VAV2: variants seen among roughly 807,000 people sequenced by gnomAD.
VAV2 encodes the protein guanine nucleotide exchange factor VAV2.
VAV2 carries 67 observed loss-of-function variants against 132.5 expected under a neutral mutation model. The observed-to-expected ratio is 0.51, with a 90% confidence interval of 0.42 to 0.62. The LOEUF is 0.62. Among genes scored for constraint, VAV2 ranks in the 20% least tolerant of loss-of-function variants. VAV2 has a pLI of 0.00. For missense variants in VAV2, 938 were observed against 1,153.6 expected (o/e 0.81, Z 2.71); for synonymous variants, 492 against 443.5 (o/e 1.11, Z -1.37).
At chr9:133,783,426 C>T in intron 19 of VAV2, 77 bp downstream of exon 19, 1 of 1,446,304 alleles carries the variant, frequency 6.9e-7, no homozygotes, top group Admixed American at 1.7e-5. Flanking sequence ...TGCCCGAGGC[C>T]CGTACCCAGG....
At chr9:133,943,914 C>T (rs528382819) in intron 1 of VAV2, among the ~76,000 whole-genome samples, 85 of 152,360 alleles carry the variant, frequency 5.6e-4, no homozygotes, top group South Asian at 1.7e-3. Flanking sequence ...CATGCCCAGT[C>T]GCCCACCTCC....
At chr9:133,899,043 G>C (rs540283552) in intron 2 of VAV2, among the ~76,000 whole-genome samples, 1 of 151,766 alleles carries the variant, frequency 6.6e-6, no homozygotes, top group Admixed American at 6.6e-5. Flanking sequence ...GGATGGTCTC[G>C]ATCTCCTGAC....
intron 2 of VAV2, among the ~76,000 whole-genome samples, chr9:133,887,898 G>A (rs1838777822): frequency 1.3e-5 from 2 of 152,064 alleles, no homozygotes; most frequent in Admixed American, 6.5e-5. Flanking sequence ...GAAAGACGAG[G>A]CGCATTCACA....
chr9:133,900,020 C>CAAAA (rs754344670), intron 2 of VAV2, among the ~76,000 whole-genome samples: 2 of 120,226 alleles, frequency 1.7e-5, no homozygotes, highest in South Asian at 2.8e-4. Context: ...GACTCCATCT[C>CAAAA]AAAAAAAATA....
intron 3 of VAV2, 54 bp downstream of exon 3, chr9:133,861,320 G>C: frequency 6.4e-7 from 1 of 1,562,386 alleles, no homozygotes; most frequent in Non-Finnish European, 8.7e-7. Context: ...AGGCACGCTG[G>C]TGTCGATGGA....
chr9:133,817,080 C>T (rs950372159), intron 4 of VAV2, among the ~76,000 whole-genome samples: 1 of 152,182 alleles, frequency 6.6e-6, no homozygotes, highest in African/African-American at 2.4e-5. Flanking sequence ...TTGGGGAGAA[C>T]TGCCATCTTA....
At chr9:133,963,641 T>C (rs755985250) in intron 1 of VAV2, among the ~76,000 whole-genome samples, 20 of 152,200 alleles carry the variant, frequency 1.3e-4, no homozygotes, top group Non-Finnish European at 2.4e-4. Flanking sequence ...CAGAAAGCCA[T>C]TGAAACAAGA....
chr9:133,817,139 C>T (rs1013620953), intron 4 of VAV2, among the ~76,000 whole-genome samples: 9 of 152,192 alleles, frequency 5.9e-5, no homozygotes, highest in Non-Finnish European at 1.0e-4. Context: ...TTATTTAAGT[C>T]TTCCTTAATT....
intron 2 of VAV2, among the ~76,000 whole-genome samples, chr9:133,916,549 T>G: frequency 6.6e-6 from 1 of 150,876 alleles, no homozygotes; most frequent in African/African-American, 2.4e-5. Flanking sequence ...TGGGGCTGGG[T>G]GAGTGGGGGT....
At chr9:133,894,776 G>A (rs1415984115) in intron 2 of VAV2, among the ~76,000 whole-genome samples, 1 of 152,198 alleles carries the variant, frequency 6.6e-6, no homozygotes, top group Non-Finnish European at 1.5e-5. Context: ...GACCCCCAGA[G>A]AAAGAAGTCC....
chr9:133,990,992 G>A (rs1430713469), intron 1 of VAV2, among the ~76,000 whole-genome samples: 1 of 152,170 alleles, frequency 6.6e-6, no homozygotes, highest in African/African-American at 2.4e-5. Flanking sequence ...CACCGCCAAA[G>A]GGCAGAGGCC....
chr9:133,869,465 C>T (rs944236548), intron 2 of VAV2, among the ~76,000 whole-genome samples: 2 of 151,918 alleles, frequency 1.3e-5, no homozygotes, highest in Non-Finnish European at 2.9e-5. Flanking sequence ...AAAAAAATAA[C>T]CAGATGTGGT....
intron 2 of VAV2, among the ~76,000 whole-genome samples, chr9:133,882,608 G>C (rs573618369): frequency 6.6e-6 from 1 of 152,040 alleles, no homozygotes; most frequent in South Asian, 2.1e-4. Context: ...TGGAAGGAGC[G>C]TGGCCCTGCC....
chr9:133,771,829 T>C (rs1196731294), intron 26 of VAV2, 130 bp downstream of exon 26: 2 of 875,606 alleles, frequency 2.3e-6, no homozygotes, highest in Non-Finnish European at 1.8e-6. Flanking sequence ...TAAAAACCAA[T>C]TCCCTAAATC....
intron 7 of VAV2, 53 bp downstream of exon 7, chr9:133,808,987 G>A: frequency 6.5e-7 from 1 of 1,532,218 alleles, no homozygotes; most frequent in Non-Finnish European, 9.0e-7. Flanking sequence ...AGGTGGCCCT[G>A]CAGTGACCAC....
chr9:133,968,104 T>TA (rs1238772874), intron 1 of VAV2, among the ~76,000 whole-genome samples: 1 of 151,978 alleles, frequency 6.6e-6, no homozygotes, highest in African/African-American at 2.4e-5. Flanking sequence ...AACATGCAAT[T>TA]AGACAGGAAC....
rs55763621 is a variant in VAV2 at position 133,915,963 on chromosome 9, G to A, written c.321+23140C>T. ...GTACATGTACACACGATGCACACAC[G>A]TACACATACACACTCACACGATGCA... On this transcript the variant is annotated intron_variant, in intron 2 of 29. Transcript: ENST00000371850. Among the ~76,000 whole-genome samples the A allele has an allele frequency of 9.2e-3, 941 of 102,064 alleles. 9 individuals carry two copies. Among genetic ancestry groups the A allele is most frequent in the Middle Eastern group, 0.017 (3 of 172 alleles). The allele number at this position is 102,064 out of a possible 152,430, so 67.0% of individuals were successfully genotyped here. A position where few individuals can be genotyped will look rare whatever the true frequency, so the allele number is the denominator to read the frequency against.
In VAV2 at chr9:133,918,227, C is replaced by T. The variant is rs1285907923; in HGVS notation, c.321+20876G>A. ...ACCGTCGGAAATGCTAAAGAGGACTCGGTGCCTCCAGCTCGGCTAGAAACT... is the reference window on the plus strand; with the variant it reads ...ACCGTCGGAAATGCTAAAGAGGACTTGGTGCCTCCAGCTCGGCTAGAAACT... On this transcript the variant is annotated intron_variant, in intron 2 of 29. Coordinates refer to ENST00000371850, the MANE Select transcript of VAV2 (RefSeq NM_001134398.2). This position sits in a 1 kb window ranked among gnomAD's most constrained non-coding sequence, Gnocchi z 4.7. Among the ~76,000 whole-genome samples, 1 of 152,186 alleles carries T rather than the reference C, an allele frequency of 6.6e-6. No individual in the cohort carries two copies. Among genetic ancestry groups the T allele is most frequent in the Non-Finnish European group, 1.5e-5 (1 of 68,044 alleles).
At chr9:133,921,553 C>T (rs1280301099) in intron 2 of VAV2, among the ~76,000 whole-genome samples, 1 of 152,140 alleles carries the variant, frequency 6.6e-6, no homozygotes, top group Admixed American at 6.5e-5. Context: ...CCTGCAGCCT[C>T]TCCCTGTGCC....
Sources: gnomAD v4.1 joint callset for allele counts (sites outside exome capture counted in the v4.1 genomes callset) on GRCh38, gnomAD v4.1.1 for gene constraint, Gnocchi (gnomAD v3.1) non-coding constraint, MANE v1.5 for transcripts, NCBI Gene and HGNC (gene_info 2026-07-23, HGNC 2026-07-21) for gene names.